Variants in TMEM87A observed in about 807,000 individuals in gnomAD.
TMEM87A encodes the protein transmembrane protein 87A, also known as Golgi-pH regulating cation channel.
Under a neutral mutation model 90.0 loss-of-function variants are expected in TMEM87A, and 50 were observed. The ratio of observed to expected loss-of-function variants is 0.56; its 90% CI spans 0.44 to 0.70. TMEM87A has a LOEUF of 0.70. TMEM87A is among the 30% of genes least tolerant of loss of function. The pLI, the probability that TMEM87A is intolerant of heterozygous loss-of-function variation, is 0.00. For synonymous variants in TMEM87A, 226 were observed against 226.7 expected (o/e 1.00, Z 0.03); for missense variants, 577 against 660.5 (o/e 0.87, Z 1.39).
chr15:42,218,425 A>G (rs1287153687), intron 17 of TMEM87A, 47 bp from the exon 18 acceptor site: 1 of 1,576,678 alleles, frequency 6.3e-7, no homozygotes, highest in East Asian at 2.2e-5. Flanking sequence ...ACCACATAAT[A>G]CATCTCAAGT....
At chr15:42,218,457 CTT>C (rs2050418350) in intron 17 of TMEM87A, 79 bp from the exon 18 acceptor site, 5 of 1,394,616 alleles carry the variant, frequency 3.6e-6, no homozygotes, top group Non-Finnish European at 5.0e-6. Context: ...GGTCTTAAAA[CTT>C]GTCTTTCATA....
intron 2 of TMEM87A, 138 bp from the exon 3 acceptor site, chr15:42,268,170 A>G (rs1033886890): frequency 1.2e-5 from 7 of 572,544 alleles, no homozygotes; most frequent in African/African-American, 3.8e-5. Context: ...AACATAAGGT[A>G]TTGAAATAAT....
At chr15:42,219,285 T>TA (rs2050432365) in intron 17 of TMEM87A, among the ~76,000 whole-genome samples, 1 of 152,232 alleles carries the variant, frequency 6.6e-6, no homozygotes, top group Non-Finnish European at 1.5e-5. Flanking sequence ...GAGTTCCTTA[T>TA]ATAAATTGGG....
intron 12 of TMEM87A, 66 bp downstream of exon 12, chr15:42,231,126 A>T: frequency 1.5e-6 from 2 of 1,373,048 alleles, no homozygotes; most frequent in Non-Finnish European, 2.0e-6. Context: ...TTGCAGAAAG[A>T]TCAATGGAAA....
At chr15:42,255,797 T>C (rs1347347914) in intron 6 of TMEM87A, among the ~76,000 whole-genome samples, 4 of 150,914 alleles carry the variant, frequency 2.7e-5, no homozygotes, top group Non-Finnish European at 1.5e-5. Flanking sequence ...TTAGATGGAG[T>C]CTTGCTCTGT....
chr15:42,222,776 T>C (rs941692514), intron 15 of TMEM87A, among the ~76,000 whole-genome samples: 2 of 151,846 alleles, frequency 1.3e-5, no homozygotes, highest in Non-Finnish European at 1.5e-5. Flanking sequence ...GTCCGGCTGG[T>C]CTCGAACTCC....
At chr15:42,266,165 C>T (rs2051399447) in intron 3 of TMEM87A, among the ~76,000 whole-genome samples, 3 of 152,162 alleles carry the variant, frequency 2.0e-5, no homozygotes, top group South Asian at 2.1e-4. Context: ...ATTTTCAACG[C>T]TCAAGTATTC....
At chr15:42,261,923 C>T (rs563982282) in intron 4 of TMEM87A, among the ~76,000 whole-genome samples, 155 of 152,270 alleles carry the variant, frequency 1.0e-3, no homozygotes, top group African/African-American at 3.4e-3. Context: ...CGTGAGCCAC[C>T]GCGCCCGGCC....
intron 4 of TMEM87A, among the ~76,000 whole-genome samples, 196 bp from the exon 5 acceptor site, chr15:42,261,445 G>T (rs1381566474): frequency 6.6e-6 from 1 of 152,008 alleles, no homozygotes; most frequent in Non-Finnish European, 1.5e-5. Context: ...CTAGAAAATA[G>T]TATCAAACCA....
chr15:42,211,574 C>A lies in TMEM87A; in HGVS notation c.*134G>T. 1 of 850,192 alleles carries A rather than the reference C, an allele frequency of 1.2e-6. No homozygotes were observed. The allele number at this position is 850,192 out of a possible 1,614,324, so 52.7% of individuals were successfully genotyped here. A position where few individuals can be genotyped will look rare whatever the true frequency, so the allele number is the denominator to read the frequency against. On this transcript the variant is annotated 3_prime_UTR_variant, in exon 20 of 20. Coordinates refer to ENST00000389834, the MANE Select transcript of TMEM87A (RefSeq NM_015497.5). Reference sequence around the variant, plus strand: ...TTGTTCTGACACCTCTCGCCAACTCCAATGCCCAAAGATCAAGGAACAGAT... The same window carrying A: ...TTGTTCTGACACCTCTCGCCAACTCAAATGCCCAAAGATCAAGGAACAGAT...
At chr15:42,266,709 T>G (rs2051413062) in intron 3 of TMEM87A, among the ~76,000 whole-genome samples, 1 of 152,138 alleles carries the variant, frequency 6.6e-6, no homozygotes, top group Non-Finnish European at 1.5e-5. Flanking sequence ...TGTAAGAATA[T>G]CCTAGATAAA....
chr15:42,272,421 G>A (rs921021244), intron 1 of TMEM87A, among the ~76,000 whole-genome samples: 8 of 152,158 alleles, frequency 5.3e-5, no homozygotes, highest in African/African-American at 1.9e-4. Context: ...CTTCACCACT[G>A]AACAAAAGGT....
chr15:42,261,126 G>A (rs916936028), intron 5 of TMEM87A, 70 bp downstream of exon 5: 6 of 1,554,536 alleles, frequency 3.9e-6, no homozygotes, highest in African/African-American at 1.4e-5. Flanking sequence ...GAGATGCAGT[G>A]AGCACGGGTA....
chr15:42,272,185 ACTAT>A (rs1470281883), intron 1 of TMEM87A, 62 bp from the exon 2 acceptor site: 7 of 1,157,456 alleles, frequency 6.0e-6, no homozygotes, highest in African/African-American at 1.6e-5. Flanking sequence ...GCATCATATA[ACTAT>A]CTAAGACTGC....
intron 15 of TMEM87A, among the ~76,000 whole-genome samples, chr15:42,220,783 TATTA>T: frequency 6.6e-6 from 1 of 152,180 alleles, no homozygotes; most frequent in African/African-American, 2.4e-5. Context: ...TTATTTGTTT[TATTA>T]TTTATTTATT....
Position 42,236,402 on chromosome 15 carries a change from G to A in TMEM87A, c.886C>T (p.Leu296Phe). ...TTCACTGCTGAAAGCAGCTCTGCAA[G>A]GATCAAAGCACCCTGGACTATGAAA... The part of the protein sequence containing the change: ...KGESVQGALI[L>F]AELLSAVKRS... Residue 296 changes from leucine to phenylalanine, a missense_variant, in exon 10 of 20, where the codon CTT (leucine) becomes TTT (phenylalanine). By Grantham distance (22) the Leu-to-Phe change is conservative. Transcript: ENST00000389834. 6.2e-7 allele frequency: 1 copy of A among 1,614,078 alleles called. No homozygotes were observed.
intron 6 of TMEM87A, 71 bp downstream of exon 6, chr15:42,260,887 A>G (rs962230410): frequency 2.3e-5 from 35 of 1,502,630 alleles, no homozygotes; most frequent in Non-Finnish European, 3.2e-5. Context: ...ATGGGAGAAC[A>G]ATTCAGAAAT....
Position 42,214,648 on chromosome 15 carries a change from CA to C in TMEM87A, c.1627-2900del, listed in dbSNP as rs1413976228. Among the ~76,000 whole-genome samples the C allele has an allele frequency of 7.2e-5, 11 of 152,266 alleles. No homozygotes were observed. The South Asian group carries it at 2.3e-3, about 32-fold the overall frequency. ...CACATGAGAAAGAATGAAAGTAACTCATCTTCACTATACACAAAAATCAACT... is the reference window on the plus strand; with the variant it reads ...CACATGAGAAAGAATGAAAGTAACTCTCTTCACTATACACAAAAATCAACT... On this transcript the variant is annotated intron_variant, in intron 19 of 19. Transcript: ENST00000389834.
chr15:42,249,696 T>C (rs975624872), intron 6 of TMEM87A, among the ~76,000 whole-genome samples: 1 of 152,248 alleles, frequency 6.6e-6, no homozygotes, highest in East Asian at 1.9e-4. Context: ...CTTCCAACTA[T>C]GTGGTCAATT....
Sources: allele counts gnomAD v4.1 joint callset (sites outside exome capture counted in the v4.1 genomes callset), GRCh38; gene constraint gnomAD v4.1.1; transcripts MANE v1.5; gene names NCBI Gene and HGNC (gene_info 2026-07-23, HGNC 2026-07-21).